The following COBL variants were observed in gnomAD, a reference collection of about 807,000 sequenced individuals.
COBL encodes cordon-bleu WH2 repeat protein.
In COBL, 51 loss-of-function variants were observed where a neutral mutation model predicts 98.8. The observed-to-expected ratio is 0.52, with a 90% confidence interval of 0.41 to 0.65. The LOEUF (loss-of-function observed/expected upper bound fraction) is 0.65. COBL is among the 30% of genes least tolerant of loss of function. The pLI, the probability that COBL is intolerant of heterozygous loss-of-function variation, is 0.00. For synonymous variants in COBL, 634 were observed against 651.7 expected (o/e 0.97, Z 0.41); for missense variants, 1,617 against 1,617.5 (o/e 1.00, Z 0.01).
intron 1 of COBL, among the ~76,000 whole-genome samples, chr7:51,305,671 C>CA (rs1253483149): frequency 2.0e-5 from 3 of 151,996 alleles, no homozygotes; most frequent in Non-Finnish European, 4.4e-5. Flanking sequence ...CCAGGAGAGC[C>CA]AAGAACACCA....
chr7:51,027,404 CT>C (rs2128870019), intron 10 of COBL, among the ~76,000 whole-genome samples: 1 of 152,344 alleles, frequency 6.6e-6, no homozygotes, highest in Non-Finnish European at 1.5e-5. Context: ...GGGCCTGCCC[CT>C]GGCCTCTCCA....
intron 1 of COBL, among the ~76,000 whole-genome samples, chr7:51,273,069 C>T (rs1206626967): frequency 6.6e-6 from 1 of 152,072 alleles, no homozygotes; most frequent in African/African-American, 2.4e-5. Context: ...TGGCTCATGC[C>T]TATAATCCCA....
At chr7:51,055,369 T>G (rs1026029723) in intron 7 of COBL, among the ~76,000 whole-genome samples, 1 of 152,172 alleles carries the variant, frequency 6.6e-6, no homozygotes, top group African/African-American at 2.4e-5. Context: ...AAGGCCGAAT[T>G]CCTCTCTCTA....
intron 6 of COBL, among the ~76,000 whole-genome samples, chr7:51,099,101 A>G (rs1208425491): frequency 6.6e-6 from 1 of 152,136 alleles, no homozygotes; most frequent in East Asian, 1.9e-4. Flanking sequence ...CAAAAAAAAA[A>G]AAAAAGAGAG....
rs538037266 is a variant in COBL, at chr7:51,272,357, A to G, written c.41+44236T>C. Among the ~76,000 whole-genome samples the G allele has an allele frequency of 1.2e-3, 187 of 152,240 alleles. 1 individual carries two copies. The highest frequency in any genetic ancestry group is 1.3e-3 in the Non-Finnish European group (91 of 68,016). ...TTTAATAACTTCGCAAGGTCTCACA[A>G]TTCATAGTGTATGTTTCATCCCAGG... is the stretch of plus-strand genomic sequence containing the variant. On this transcript the variant is annotated intron_variant, in intron 1 of 12. Transcript: ENST00000265136.
chr7:51,123,559 C>T (rs1475993670), intron 6 of COBL, among the ~76,000 whole-genome samples: 2 of 152,156 alleles, frequency 1.3e-5, no homozygotes, highest in South Asian at 4.1e-4. Flanking sequence ...AGAAAGAGCA[C>T]CATGAACAGA....
chr7:51,104,583 A>G (rs910311414), intron 6 of COBL, among the ~76,000 whole-genome samples: 4 of 152,200 alleles, frequency 2.6e-5, no homozygotes, highest in African/African-American at 9.6e-5. Flanking sequence ...AAAAGTACAG[A>G]AACCAGTGCC....
chr7:51,051,242 A>G (rs920412004), intron 7 of COBL, among the ~76,000 whole-genome samples: 2 of 152,230 alleles, frequency 1.3e-5, no homozygotes, highest in Non-Finnish European at 2.9e-5. Context: ...ATGAGAAGGC[A>G]TATGTTCACA....
chr7:51,098,924 A>C (rs1192615983), intron 6 of COBL, among the ~76,000 whole-genome samples: 1 of 152,156 alleles, frequency 6.6e-6, no homozygotes, highest in African/African-American at 2.4e-5. Flanking sequence ...ATAAGCAAAC[A>C]ATCTGATTTA....
At chr7:51,066,238 A>AT (rs1791909543) in intron 7 of COBL, among the ~76,000 whole-genome samples, 1 of 152,016 alleles carries the variant, frequency 6.6e-6, no homozygotes, top group Admixed American at 6.6e-5. Flanking sequence ...CCTTCCTGGT[A>AT]TTTTTGTGCA....
chr7:51,208,583 G>A lies in COBL; in HGVS notation c.245+11158C>T, dbSNP rs575573077. ...GCGTGCCCAGCGGCTCATTGAGAAC[G>A]GGCCATGATGACAGTGGCGGTTTTG... On this transcript the variant is annotated intron_variant, in intron 2 of 12. Transcript: ENST00000265136. Among the ~76,000 whole-genome samples the A allele has an allele frequency of 1.4e-4, 22 of 152,348 alleles. No homozygotes were observed. In the South Asian group the frequency reaches 3.1e-3, roughly 21 times the overall value.
At chr7:51,283,995 AAAAG>A (rs1431790826) in intron 1 of COBL, among the ~76,000 whole-genome samples, 1 of 151,944 alleles carries the variant, frequency 6.6e-6, no homozygotes, top group Non-Finnish European at 1.5e-5. Context: ...GCAATATATA[AAAAG>A]AATAGGCTGG....
chr7:51,023,972 A>G (rs1787208241), intron 12 of COBL, among the ~76,000 whole-genome samples: 1 of 152,236 alleles, frequency 6.6e-6, no homozygotes, highest in Non-Finnish European at 1.5e-5. Context: ...ATGCTTGGGT[A>G]CAAGTGAAAA....
chr7:51,213,193 T>G (rs1424237203), intron 2 of COBL, among the ~76,000 whole-genome samples: 1 of 152,018 alleles, frequency 6.6e-6, no homozygotes, highest in African/African-American at 2.4e-5. Flanking sequence ...TCTGACAGCT[T>G]AATATGGGTC....
chr7:51,019,629 G>A (rs1259104533), intron 12 of COBL, among the ~76,000 whole-genome samples: 4 of 152,126 alleles, frequency 2.6e-5, no homozygotes. Context: ...CTCCCAGGAG[G>A]CTCCTCCCCG....
At chr7:51,054,243 T>A (rs1023485047) in intron 7 of COBL, among the ~76,000 whole-genome samples, 1 of 152,216 alleles carries the variant, frequency 6.6e-6, no homozygotes, top group East Asian at 1.9e-4. Flanking sequence ...TCGCTTTTTT[T>A]TTCTTTTCAC....
intron 7 of COBL, among the ~76,000 whole-genome samples, chr7:51,077,014 TAAAC>T (rs1017123420): frequency 2.6e-5 from 4 of 152,192 alleles, no homozygotes; most frequent in African/African-American, 7.2e-5. Flanking sequence ...ATCTTGTAAA[TAAAC>T]AATTCAATGC....
intron 6 of COBL, among the ~76,000 whole-genome samples, chr7:51,100,987 A>G (rs2128962328): frequency 6.6e-6 from 1 of 152,322 alleles, no homozygotes; most frequent in South Asian, 2.1e-4. Flanking sequence ...TGAAAAAGCA[A>G]TTTCACCTGT....
At chr7:51,107,103 T>C (rs890321877) in intron 6 of COBL, among the ~76,000 whole-genome samples, 1 of 147,196 alleles carries the variant, frequency 6.8e-6, no homozygotes, top group African/African-American at 2.5e-5. Flanking sequence ...TTTTTTTTTT[T>C]TTTTTTTTTG....
Sources: allele counts gnomAD v4.1 joint callset (sites outside exome capture counted in the v4.1 genomes callset), GRCh38; gene constraint gnomAD v4.1.1; transcripts MANE v1.5; gene names NCBI Gene and HGNC (gene_info 2026-07-23, HGNC 2026-07-21).